Variants in BNC1 observed in about 807,000 individuals in gnomAD.
BNC1 encodes the protein zinc finger protein basonuclin-1.
BNC1 carries 8 observed loss-of-function variants against 66.5 expected under a neutral mutation model. The ratio of observed to expected loss-of-function variants is 0.12; its 90% CI spans 0.07 to 0.22. The LOEUF is 0.22. Among genes scored for constraint, BNC1 ranks in the 10% least tolerant of loss-of-function variants. The pLI is 1.00. For synonymous variants in BNC1, 454 were observed against 452.6 expected (o/e 1.00, Z -0.04); for missense variants, 1,069 against 1,241.3 (o/e 0.86, Z 2.09).
chr15:83,265,127 T>C (rs2038202911), intron 3 of BNC1, among the ~76,000 whole-genome samples: 1 of 152,246 alleles, frequency 6.6e-6, no homozygotes. Context: ...ATTGCTTGTC[T>C]AGCATTAGAC....
At chr15:83,275,494 A>AG (rs1248112142) in intron 1 of BNC1, among the ~76,000 whole-genome samples, 1 of 151,350 alleles carries the variant, frequency 6.6e-6, no homozygotes, top group Non-Finnish European at 1.5e-5. Context: ...TCCATCTCAA[A>AG]AAAAAAAAAA....
chr15:83,258,148 T>C (rs1258362768), intron 4 of BNC1, 22 bp from the exon 5 acceptor site: 1 of 1,569,034 alleles, frequency 6.4e-7, no homozygotes, highest in Non-Finnish European at 8.7e-7. Flanking sequence ...AAAAGATGGT[T>C]AGTAATGGGT....
chr15:83,283,277 C>T, intron 1 of BNC1: 3 of 1,529,766 alleles, frequency 2.0e-6, no homozygotes, highest in Non-Finnish European at 2.6e-6. Context: ...CGCCTCGCCA[C>T]AATCTTGTCA....
intron 1 of BNC1, chr15:83,283,487 G>T: frequency 1.0e-6 from 1 of 985,316 alleles, no homozygotes; most frequent in Non-Finnish European, 1.2e-6. Context: ...CGAGCCACGC[G>T]CTCGCAGGTC....
rs1315100685 is a variant in BNC1, at chr15:83,257,679, G to A, written c.2748C>T (p.Asp916=). 4 of 1,613,968 alleles carry A rather than the reference G, an allele frequency of 2.5e-6. No individual in the cohort carries two copies. The highest frequency in any genetic ancestry group is 1.3e-5 in the African/African-American group (1 of 74,878). ...CAGAAGGCAGGCTAGCAAGGCTCTG[G>A]TCAGCCTTCTCCATCAGGACACAGA... is the stretch of plus-strand genomic sequence containing the variant. ...YPICVLMEKA[D]QSLASLPSGL... is the part of the protein sequence containing the mutation. The change falls in exon 5 of 5, where the codon GAC becomes GAT. Residue 916 remains aspartate, a synonymous_variant. Transcript: ENST00000345382.
chr15:83,275,825 A>C (rs1333208641), intron 1 of BNC1, among the ~76,000 whole-genome samples: 1 of 152,062 alleles, frequency 6.6e-6, no homozygotes, highest in African/African-American at 2.4e-5. Context: ...GGTGTCAGAG[A>C]CCACTGTGCA....
At chr15:83,259,127 G>T (rs993998587) in intron 4 of BNC1, among the ~76,000 whole-genome samples, 1 of 152,174 alleles carries the variant, frequency 6.6e-6, no homozygotes. Flanking sequence ...ACTCTCGAAG[G>T]ACAGATAATG....
chr15:83,281,284 A>C (rs2038376126), intron 1 of BNC1, among the ~76,000 whole-genome samples: 1 of 152,244 alleles, frequency 6.6e-6, no homozygotes, highest in Non-Finnish European at 1.5e-5. Context: ...AATGCTTTCC[A>C]GATGCTTCTT....
intron 1 of BNC1, among the ~76,000 whole-genome samples, chr15:83,274,343 C>T (rs905920404): frequency 2.0e-5 from 3 of 152,264 alleles, no homozygotes; most frequent in Non-Finnish European, 1.5e-5. Context: ...TGAGATCGCG[C>T]CACTGCACTC....
In BNC1 at chr15:83,262,718, A is replaced by C. The variant is rs531530755; in HGVS notation, c.2300+233T>G. Among the ~76,000 whole-genome samples the C allele has an allele frequency of 1.4e-4, 22 of 152,298 alleles. 1 individual carries two copies. The South Asian group carries it at 4.6e-3, about 32-fold the overall frequency. On this transcript the variant is annotated intron_variant, in intron 4 of 4. Coordinates refer to ENST00000345382, the MANE Select transcript of BNC1 (RefSeq NM_001717.4). ...TGTATTCATGAATGTTGAAATATGAAAATTCATACAACAGTGTTTCTCAAA... is the reference window on the plus strand; with the variant it reads ...TGTATTCATGAATGTTGAAATATGACAATTCATACAACAGTGTTTCTCAAA...
chr15:83,258,225 G>T, intron 4 of BNC1, 99 bp from the exon 5 acceptor site: 1 of 1,258,544 alleles, frequency 7.9e-7, no homozygotes, highest in Non-Finnish European at 1.1e-6. Flanking sequence ...AAAAACATGT[G>T]GTATGGGAGC....
chr15:83,283,447 A>G (rs2038405066), intron 1 of BNC1: 7 of 1,223,558 alleles, frequency 5.7e-6, no homozygotes, highest in African/African-American at 1.6e-5. Flanking sequence ...GGCTCCCAGC[A>G]CGGAACCGAC....
intron 3 of BNC1, among the ~76,000 whole-genome samples, chr15:83,265,506 T>C (rs2038208124): frequency 1.3e-5 from 2 of 152,222 alleles, no homozygotes; most frequent in African/African-American, 2.4e-5. Context: ...ACATCATAAA[T>C]TTTTCATGCA....
chr15:83,283,072 G>GCCCCC, intron 1 of BNC1: 3 of 1,298,976 alleles, frequency 2.3e-6, no homozygotes, highest in Middle Eastern at 1.9e-4. Flanking sequence ...GATGCCCCCC[G>GCCCCC]CCCCCCAACC....
chr15:83,261,647 A>T (rs2038141447), intron 4 of BNC1, among the ~76,000 whole-genome samples: 1 of 152,198 alleles, frequency 6.6e-6, no homozygotes, highest in African/African-American at 2.4e-5. Flanking sequence ...CATGAAGAAA[A>T]GCACAAGCAA....
chr15:83,281,647 A>T (rs1260194467), intron 1 of BNC1, among the ~76,000 whole-genome samples: 1 of 152,268 alleles, frequency 6.6e-6, no homozygotes, highest in African/African-American at 2.4e-5. Flanking sequence ...TTACTTCTAA[A>T]GCCACATACA....
chr15:83,283,329 C>A, intron 1 of BNC1: 1 of 1,428,382 alleles, frequency 7.0e-7, no homozygotes, highest in Non-Finnish European at 9.2e-7. Context: ...CAAAGCCAGG[C>A]GGCGGCGGGG....
intron 1 of BNC1, among the ~76,000 whole-genome samples, chr15:83,282,811 A>G (rs2038392555): frequency 6.6e-6 from 1 of 152,244 alleles, no homozygotes. Flanking sequence ...TTTTTAAAAA[A>G]ATTGTTGCTA....
intron 3 of BNC1, 96 bp from the exon 4 acceptor site, chr15:83,264,911 G>C (rs1295445015): frequency 7.8e-7 from 1 of 1,289,180 alleles, no homozygotes; most frequent in African/African-American, 1.5e-5. Flanking sequence ...ATACTTTTGT[G>C]CATATAGGAA....
Sources: gnomAD v4.1 joint callset for allele counts (sites outside exome capture counted in the v4.1 genomes callset) on GRCh38, gnomAD v4.1.1 for gene constraint, MANE v1.5 for transcripts, NCBI Gene and HGNC (gene_info 2026-07-23, HGNC 2026-07-21) for gene names.